Variants in CRMP1 observed in about 807,000 individuals in gnomAD.
CRMP1 encodes dihydropyrimidinase-related protein 1.
Under a neutral mutation model 68.3 loss-of-function variants are expected in CRMP1, and 19 were observed. The observed-to-expected ratio is 0.28, with a 90% CI of 0.19 to 0.41. The LOEUF (loss-of-function observed/expected upper bound fraction) is 0.41, where lower values mean the gene tolerates loss of function less well. Ranked by LOEUF, CRMP1 falls within the 10% of genes least tolerant of loss-of-function variation. CRMP1 has a pLI of 1.00. For synonymous variants in CRMP1, 439 were observed against 399.6 expected (o/e 1.10, Z -1.18); for missense variants, 791 against 967.4 (o/e 0.82, Z 2.42).
intron 1 of CRMP1, among the ~76,000 whole-genome samples, chr4:5,885,345 C>G (rs1377090438): frequency 6.6e-6 from 1 of 152,152 alleles, no homozygotes; most frequent in Non-Finnish European, 1.5e-5. Flanking sequence ...GACCCAGCAA[C>G]AAGCAGGTGG....
In CRMP1 at chr4:5,889,032, C is replaced by A. The variant is rs1163626232; in HGVS notation, c.381+3557G>T. Among the ~76,000 whole-genome samples, 1 of 152,022 alleles carries A rather than the reference C, an allele frequency of 6.6e-6. No homozygotes were observed. Among genetic ancestry groups the A allele is most frequent in the Admixed American group, 6.6e-5 (1 of 15,266 alleles). Reference sequence around the variant, plus strand: ...CCCCAAGCCTTTATTCACGCTGTACCCTCTCCCTGAATAGTCTACCCCAGA... The same window carrying A: ...CCCCAAGCCTTTATTCACGCTGTACACTCTCCCTGAATAGTCTACCCCAGA... On this transcript the variant is annotated intron_variant, in intron 1 of 13. Transcript: ENST00000324989. The surrounding 1 kb of genome is among the most constrained non-coding windows in gnomAD (Gnocchi z 4.5).
chr4:5,823,844 T>G (rs1719089779), intron 13 of CRMP1, among the ~76,000 whole-genome samples: 1 of 152,218 alleles, frequency 6.6e-6, no homozygotes, highest in South Asian at 2.1e-4. Flanking sequence ...GCAATGTAAA[T>G]GGACGAAAAC....
chr4:5,835,825 G>A, intron 11 of CRMP1, 90 bp downstream of exon 11: 1 of 1,324,012 alleles, frequency 7.6e-7, no homozygotes. Context: ...ATCCTAGTTG[G>A]AAAATTCATA....
At position 5,828,521 on chromosome 4, in the gene CRMP1, G is replaced by A; in HGVS notation, c.1771C>T (p.His591Tyr). ...RFIPRKAFPE[H>Y]LYQRVKIRNK... ...CTGATTTTGACGCGCTGGTACAGGT[G>A]CTCCGGGAACGCCTTCCGCGGAATG... The change falls in exon 12 of 14, where the codon CAC becomes TAC. Residue 591 changes from histidine to tyrosine, a missense_variant. Around this residue, in one of 3 missense-constraint regions of CRMP1, gnomAD observed 594 missense variants for 763.6 expected, o/e 0.78. Transcript: ENST00000324989. The A allele has an allele frequency of 6.2e-7, 1 of 1,614,226 alleles. No homozygotes were observed. The highest frequency in any genetic ancestry group is 8.5e-7 in the Non-Finnish European group (1 of 1,180,030).
Position 5,890,812 on chromosome 4 carries a change from A to G in CRMP1, c.381+1777T>C, listed in dbSNP as rs532785679. 1.2e-3 allele frequency among the ~76,000 whole-genome samples: 179 copies of G among 152,234 alleles called. 1 individual carries two copies. The highest frequency in any genetic ancestry group is 3.5e-3 in the Admixed American group (54 of 15,306). On this transcript the variant is annotated intron_variant, in intron 1 of 13. Transcript: ENST00000324989. The surrounding 1 kb of genome is among the most constrained non-coding windows in gnomAD (Gnocchi z 5.5). Reference sequence around the variant, plus strand: ...TGCTGGCGTTGGTGACATTGACCGCAGTTCCAGAGGAACTCTCCTTGGGAC... The same window carrying G: ...TGCTGGCGTTGGTGACATTGACCGCGGTTCCAGAGGAACTCTCCTTGGGAC...
At position 5,883,260 on chromosome 4, in the gene CRMP1, C is replaced by CT. The variant is rs59976472; in HGVS notation, c.381+9328dup. Among the ~76,000 whole-genome samples, 31 of 151,756 alleles carry CT rather than the reference C, an allele frequency of 2.0e-4. No individual in the cohort carries two copies. The highest frequency in any genetic ancestry group is 5.6e-4 in the African/African-American group (23 of 41,306). On this transcript the variant is annotated intron_variant, in intron 1 of 13. Transcript: ENST00000324989. The surrounding 1 kb of genome is among the most constrained non-coding windows in gnomAD (Gnocchi z 4.5). ...CCTTCCTTCCTTCCTTCCTTCCTTC[C>CT]TCCCTCCCTCCCTCCCTTCCTGTCT...
In CRMP1 at chr4:5,888,655, C is replaced by G; in HGVS notation, c.381+3934G>C. The G allele has an allele frequency of 1.0e-6, 1 of 972,084 alleles. No individual in the cohort carries two copies. Among genetic ancestry groups the G allele is most frequent in the Non-Finnish European group, 1.2e-6 (1 of 821,634 alleles). 60.2% of individuals were successfully genotyped at this position (972,084 alleles called of 1,614,324 possible). On this transcript the variant is annotated intron_variant, in intron 1 of 13. Transcript: ENST00000324989. This position sits in a 1 kb window ranked among gnomAD's most constrained non-coding sequence, Gnocchi z 6.4. ...CCGCCCCCCACCCGCCCAGCCCCGC[C>G]GACCCCCGCCCTGCGCACACGCCCT... is the stretch of plus-strand genomic sequence containing the variant.
At chr4:5,846,862 G>A (rs924710424) in intron 6 of CRMP1, among the ~76,000 whole-genome samples, 8 of 136,208 alleles carry the variant, frequency 5.9e-5, no homozygotes, top group South Asian at 4.7e-4. Context: ...TGATCTGCCC[G>A]CCTTGGCCTC....
Position 5,889,862 on chromosome 4 carries a change from G to A in CRMP1, c.381+2727C>T. 7.0e-7 allele frequency: 1 copy of A among 1,436,106 alleles called. No homozygotes were observed. Among genetic ancestry groups the A allele is most frequent in the African/African-American group, 1.4e-5 (1 of 69,890 alleles). The allele number at this position is 1,436,106 out of a possible 1,614,324, so 89.0% of individuals were successfully genotyped here. ...CACCTGGGCCTTAAAATAGAGGTGA[G>A]GTTTTAGCTTCACAGAGAAGCCAGC... On this transcript the variant is annotated intron_variant, in intron 1 of 13. Transcript: ENST00000324989. This position sits in a 1 kb window ranked among gnomAD's most constrained non-coding sequence, Gnocchi z 4.5.
At chr4:5,873,568 A>C (rs1714610306) in intron 1 of CRMP1, among the ~76,000 whole-genome samples, 1 of 152,120 alleles carries the variant, frequency 6.6e-6, no homozygotes. Flanking sequence ...GGGAGGTACC[A>C]GAATTTTAAA....
chr4:5,836,080 A>T lies in CRMP1; in HGVS notation c.1458T>A (p.Thr486=). Residue 486 remains threonine (T), a synonymous_variant, in exon 11 of 14, where the codon ACT becomes ACA. Coordinates refer to ENST00000324989, the MANE Select transcript of CRMP1 (RefSeq NM_001014809.3). ...CAAACTGGTTCTCATCCATTTTGCCAGTAGCCTACAGGCAAGACCCACAGA... is the reference window on the plus strand; with the variant it reads ...CAAACTGGTTCTCATCCATTTTGCCTGTAGCCTACAGGCAAGACCCACAGA... ...MTVVWDKAVA[T]GKMDENQFVA... 6.6e-7 allele frequency: 1 copy of T among 1,515,952 alleles called. No individual in the cohort carries two copies. Among genetic ancestry groups the T allele is most frequent in the Non-Finnish European group, 8.8e-7 (1 of 1,133,924 alleles). 93.9% of individuals were successfully genotyped at this position (1,515,952 alleles called of 1,614,324 possible). A position where few individuals can be genotyped will look rare whatever the true frequency, so the allele number is the denominator to read the frequency against.
chr4:5,825,294 A>T lies in CRMP1; in HGVS notation c.1969+200T>A, dbSNP rs545913511. The T allele has an allele frequency of 1.0e-6, 1 of 985,062 alleles. No individual in the cohort carries two copies. Among genetic ancestry groups the T allele is most frequent in the South Asian group, 4.7e-5 (1 of 21,266 alleles). 61.0% of individuals were successfully genotyped at this position (985,062 alleles called of 1,614,324 possible). ...TCAGGTACCACCATGTTGCCCCCCT[A>T]ACATGGACCCCCCTCTGCTTGGTGA... On this transcript the variant is annotated intron_variant, in intron 13 of 13. Coordinates refer to ENST00000324989, the MANE Select transcript of CRMP1 (RefSeq NM_001014809.3). The surrounding 1 kb of genome is among the most constrained non-coding windows in gnomAD (Gnocchi z 4.4).
chr4:5,880,655 G>T (rs1349284720), intron 1 of CRMP1, among the ~76,000 whole-genome samples: 1 of 152,164 alleles, frequency 6.6e-6, no homozygotes, highest in Non-Finnish European at 1.5e-5. Flanking sequence ...TACTAAACCA[G>T]ATCTGCCCTC....
At position 5,869,696 on chromosome 4, in the gene CRMP1, A is replaced by AAG. The variant is rs1553907679; in HGVS notation, c.382-2941_382-2940insCT. Among the ~76,000 whole-genome samples the AAG allele has an allele frequency of 6.1e-3, 922 of 150,026 alleles. 11 individuals are homozygous for AAG. The highest frequency in any genetic ancestry group is 0.021 in the African/African-American group (862 of 40,772). On this transcript the variant is annotated intron_variant, in intron 1 of 13. Transcript: ENST00000324989. ...AAGACTCCGTCAAAAAAAAAAAAAA[A>AAG]AAAAAGAAAAAGAAAAGAAGTAAAC...
rs949955379 is a variant in CRMP1 at position 5,834,115 on chromosome 4, C to A, written c.1623+1800G>T. Among the ~76,000 whole-genome samples, 8 of 152,202 alleles carry A rather than the reference C, an allele frequency of 5.3e-5. No individual in the cohort carries two copies. Among genetic ancestry groups the A allele is most frequent in the African/African-American group, 1.7e-4 (7 of 41,448 alleles). ...TTCCTTCTGGGTCCTTGTCCGCCGA[C>A]CTTTGACTGGCTGACACAGACATTC... On this transcript the variant is annotated intron_variant, in intron 11 of 13. Transcript: ENST00000324989. The surrounding 1 kb of genome is among the most constrained non-coding windows in gnomAD (Gnocchi z 4.3).
chr4:5,830,949 T>A (rs1720335873), intron 11 of CRMP1, among the ~76,000 whole-genome samples: 1 of 152,148 alleles, frequency 6.6e-6, no homozygotes, highest in Non-Finnish European at 1.5e-5. Context: ...TCTTTAGTTT[T>A]TTATTTTTGT....
Position 5,849,384 on chromosome 4 carries a change from C to T in CRMP1, c.963+8G>A. 1 of 1,610,086 alleles carries T rather than the reference C, an allele frequency of 6.2e-7. No homozygotes were observed. Among genetic ancestry groups the T allele is most frequent in the Non-Finnish European group, 8.5e-7 (1 of 1,176,822 alleles). ...GAGGTAGAAGGAGTGGAAATTCTTG[C>T]CACTCACCTGAGCTATCAAATCTCC... is the stretch of plus-strand genomic sequence containing the variant. On this transcript the variant is annotated splice_region_variant and intron_variant, in intron 6 of 13. Coordinates refer to ENST00000324989, the MANE Select transcript of CRMP1 (RefSeq NM_001014809.3).
intron 13 of CRMP1, chr4:5,824,444 A>G (rs1044547654): frequency 1.0e-6 from 1 of 985,274 alleles, no homozygotes; most frequent in African/African-American, 1.7e-5. Context: ...TGAATGGATA[A>G]GAGGTTCTGC....
At position 5,872,867 on chromosome 4, in the gene CRMP1, G is replaced by A. The variant is rs973266171; in HGVS notation, c.382-6111C>T. ...TGTCAGCACCACTTAAAAGCAAAAC[G>A]TCCACACTCAGACAGAGGTGGGCTT... On this transcript the variant is annotated intron_variant, in intron 1 of 13. Transcript: ENST00000324989. This position sits in a 1 kb window ranked among gnomAD's most constrained non-coding sequence, Gnocchi z 4.6. 3.3e-5 allele frequency among the ~76,000 whole-genome samples: 5 copies of A among 152,132 alleles called. No individual in the cohort carries two copies. The highest frequency in any genetic ancestry group is 7.2e-5 in the African/African-American group (3 of 41,414).
Sources: allele counts gnomAD v4.1 joint callset (sites outside exome capture counted in the v4.1 genomes callset), GRCh38; gene constraint gnomAD v4.1.1; regional missense constraint gnomAD v4.1.1; non-coding constraint Gnocchi (gnomAD v3.1); transcripts MANE v1.5; gene names NCBI Gene and HGNC (gene_info 2026-07-23, HGNC 2026-07-21).